The following MAPK8IP3 variants were observed in gnomAD, a reference collection of about 807,000 sequenced individuals.
The protein encoded by MAPK8IP3 is C-Jun-amino-terminal kinase-interacting protein 3.
Under a neutral mutation model 157.8 loss-of-function variants are expected in MAPK8IP3, and 49 were observed. The ratio of observed to expected loss-of-function variants is 0.31; its 90% confidence interval spans 0.25 to 0.39. The LOEUF (loss-of-function observed/expected upper bound fraction) is 0.39, where lower values mean the gene tolerates loss of function less well. Ranked by LOEUF, MAPK8IP3 falls within the 10% of genes least tolerant of loss-of-function variation. The pLI is 1.00. For synonymous variants in MAPK8IP3, 897 were observed against 777.7 expected (o/e 1.15, Z -2.55); for missense variants, 1,478 against 1,889.4 (o/e 0.78, Z 4.04).
At chr16:1,759,157 T>C (rs1257677718) in intron 10 of MAPK8IP3, among the ~76,000 whole-genome samples, 162 bp downstream of exon 10, 1 of 152,184 alleles carries the variant, frequency 6.6e-6, no homozygotes, top group African/African-American at 2.4e-5. Context: ...AGGCTGCCTC[T>C]GGGCTGTGGG....
chr16:1,739,839 C>A (rs570817490), intron 4 of MAPK8IP3, among the ~76,000 whole-genome samples: 1 of 114,840 alleles, frequency 8.7e-6, no homozygotes. Context: ...TGTGACCGTC[C>A]GTGTGAGCAT....
chr16:1,763,917 C>T, intron 17 of MAPK8IP3, 134 bp downstream of exon 17: 1 of 1,064,882 alleles, frequency 9.4e-7, no homozygotes, highest in South Asian at 1.7e-5. Context: ...GGGGCGGGGC[C>T]TGGCAGGTTC....
At chr16:1,716,480 T>G (rs1488954371) in intron 1 of MAPK8IP3, among the ~76,000 whole-genome samples, 3 of 151,866 alleles carry the variant, frequency 2.0e-5, no homozygotes, top group African/African-American at 7.3e-5. Context: ...GTATTTTTAG[T>G]AGAGATGGGG....
intron 26 of MAPK8IP3, 57 bp from the exon 27 acceptor site, chr16:1,767,507 G>C: frequency 6.3e-7 from 1 of 1,577,954 alleles, no homozygotes; most frequent in Non-Finnish European, 8.6e-7. Flanking sequence ...CAGGTTTGGG[G>C]CTCCCCACTT....
chr16:1,730,369 C>T (rs1348216532), intron 4 of MAPK8IP3, among the ~76,000 whole-genome samples: 1 of 152,088 alleles, frequency 6.6e-6, no homozygotes, highest in Non-Finnish European at 1.5e-5. Context: ...TTTGGGAGGC[C>T]GAGGTGGGTG....
chr16:1,762,379 G>A lies in MAPK8IP3; in HGVS notation c.1568G>A (p.Arg523His), dbSNP rs373344354. ...SDKIPMAQRR[R>H]FTRVEMARVL... Reference sequence around the variant, plus strand: ...AAAATCCCCATGGCCCAGCGCCGCCGCTTCACGCGGGTGGAGATGGCCCGT... The same window carrying A: ...AAAATCCCCATGGCCCAGCGCCGCCACTTCACGCGGGTGGAGATGGCCCGT... Residue 523 changes from arginine (R) to histidine (H), a missense_variant, in exon 14 of 32, where the codon CGC (arginine) becomes CAC (histidine). Physicochemically the swap from Arg to His is conservative, Grantham distance 29. This residue lies in a region of MAPK8IP3 where 96 missense variants were observed against 106.3 expected (regional missense o/e 0.90). Transcript: ENST00000610761. 4 of 1,587,600 alleles carry A rather than the reference G, an allele frequency of 2.5e-6. No individual in the cohort carries two copies. The highest frequency in any genetic ancestry group is 2.3e-5 in the South Asian group (2 of 87,598).
Position 1,746,944 on chromosome 16 carries a change from C to T in MAPK8IP3, c.748-85C>T, listed in dbSNP as rs141015249. 2.0e-4 allele frequency: 292 copies of T among 1,476,622 alleles called. 1 individual carries two copies. The East Asian group carries it at 3.8e-3, about 19-fold the overall frequency. 91.5% of individuals were successfully genotyped at this position (1,476,622 alleles called of 1,614,324 possible). ...CGAGGCAAAGTGCAAAGCATTGGTGCGCGGGGCCTCAGGCAGCCACGGCGG... is the reference window on the plus strand; with the variant it reads ...CGAGGCAAAGTGCAAAGCATTGGTGTGCGGGGCCTCAGGCAGCCACGGCGG... On this transcript the variant is annotated intron_variant, in intron 5 of 31. Transcript: ENST00000610761.
rs1015540953 is a variant in MAPK8IP3, at chr16:1,768,523, C to T, written c.3789C>T (p.Ala1263=). The change falls in exon 31 of 32, where the codon GCC becomes GCT. Residue 1263 remains alanine (A), a synonymous_variant. Transcript: ENST00000610761. ...ATGGGAGTGTGCTGGACAGCCCAGC[C>T]GAGGGCCCTGGGCCAGCTGCCCCTG... The part of the protein sequence containing the change: ...TLNGSVLDSP[A]EGPGPAAPAS... The T allele has an allele frequency of 3.9e-5, 60 of 1,558,158 alleles. No individual in the cohort carries two copies. Among genetic ancestry groups the T allele is most frequent in the African/African-American group, 9.5e-5 (7 of 73,528 alleles).
At chr16:1,767,018 G>GGCATTGTTTA (rs1464785293) in intron 25 of MAPK8IP3, 47 bp downstream of exon 25, 13 of 1,567,830 alleles carry the variant, frequency 8.3e-6, no homozygotes, top group African/African-American at 1.3e-5. Flanking sequence ...TGATGGCCCT[G>GGCATTGTTTA]GCATTGTTTA....
At chr16:1,726,538 G>A (rs1335568527) in intron 2 of MAPK8IP3, among the ~76,000 whole-genome samples, 2 of 152,234 alleles carry the variant, frequency 1.3e-5, no homozygotes, top group South Asian at 2.1e-4. Context: ...AGCCAGGCAC[G>A]GTGGCTCACA....
At chr16:1,719,172 T>C (rs937533579) in intron 1 of MAPK8IP3, among the ~76,000 whole-genome samples, 1 of 152,152 alleles carries the variant, frequency 6.6e-6, no homozygotes, top group African/African-American at 2.4e-5. Context: ...TCTTGTTATA[T>C]TGCCCAGGCT....
intron 1 of MAPK8IP3, among the ~76,000 whole-genome samples, chr16:1,723,971 T>C (rs559498942): frequency 6.6e-6 from 1 of 152,332 alleles, no homozygotes; most frequent in East Asian, 1.9e-4. Context: ...AGCAAGACTG[T>C]GTTGCTGGTT....
chr16:1,719,932 G>T (rs746256316), intron 1 of MAPK8IP3, among the ~76,000 whole-genome samples: 10 of 152,252 alleles, frequency 6.6e-5, no homozygotes, highest in Non-Finnish European at 1.3e-4. Flanking sequence ...TTAGGGGGAA[G>T]TGTAAGTTGG....
intron 4 of MAPK8IP3, among the ~76,000 whole-genome samples, chr16:1,735,562 C>T (rs142943872): frequency 0.016 from 2,114 of 129,892 alleles, 93 homozygotes; most frequent in African/African-American, 0.06. Flanking sequence ...AGAGTGTGAC[C>T]GTCCATGTGA....
At chr16:1,767,362 C>A in intron 26 of MAPK8IP3, 65 bp downstream of exon 26, 1 of 1,599,962 alleles carries the variant, frequency 6.3e-7, no homozygotes, top group Non-Finnish European at 8.5e-7. Context: ...TCTCCCGCAT[C>A]TTCCATACGG....
chr16:1,717,046 G>T (rs555160938), intron 1 of MAPK8IP3, among the ~76,000 whole-genome samples: 1 of 151,534 alleles, frequency 6.6e-6, no homozygotes, highest in African/African-American at 2.4e-5. Flanking sequence ...GCAACAGAGC[G>T]AGATGCCGTC....
At chr16:1,750,322 C>T (rs1199007604) in intron 8 of MAPK8IP3, among the ~76,000 whole-genome samples, 6 of 152,090 alleles carry the variant, frequency 3.9e-5, no homozygotes, top group East Asian at 1.9e-4. Context: ...AAGCAATTCT[C>T]CTGTCTCCGC....
intron 1 of MAPK8IP3, among the ~76,000 whole-genome samples, chr16:1,707,062 C>T (rs1286438738): frequency 6.6e-6 from 1 of 152,028 alleles, no homozygotes; most frequent in Non-Finnish European, 1.5e-5. Context: ...CCTCCCCACC[C>T]ACCTCTGCAT....
chr16:1,710,283 C>A lies in MAPK8IP3; in HGVS notation c.318+3626C>A, dbSNP rs1339554707. ...TTTGAGACCAGCCTGGCGAACCTGG[C>A]GAAACCCTGTCTCTACTAAAGAAAA... On this transcript the variant is annotated intron_variant, in intron 1 of 31. Transcript: ENST00000610761. The surrounding 1 kb of genome is among the most constrained non-coding windows in gnomAD (Gnocchi z 4.1). Among the ~76,000 whole-genome samples, 1 of 150,554 alleles carries A rather than the reference C, an allele frequency of 6.6e-6. No homozygotes were observed. The highest frequency in any genetic ancestry group is 1.5e-5 in the Non-Finnish European group (1 of 67,770).
Sources: gnomAD v4.1 joint callset for allele counts (sites outside exome capture counted in the v4.1 genomes callset) on GRCh38, gnomAD v4.1.1 for gene constraint, gnomAD v4.1.1 regional missense constraint, Gnocchi (gnomAD v3.1) non-coding constraint, MANE v1.5 for transcripts, NCBI Gene and HGNC (gene_info 2026-07-23, HGNC 2026-07-21) for gene names.